The following GAB1 variants were observed in gnomAD, a reference collection of about 807,000 sequenced individuals.
GAB1 encodes the protein GRB2 associated binding protein 1.
In GAB1, 19 loss-of-function variants were observed where a neutral mutation model predicts 66.5. The ratio of observed to expected loss-of-function variants is 0.29; its 90% CI spans 0.20 to 0.42. The LOEUF (loss-of-function observed/expected upper bound fraction) is 0.42. Ranked by LOEUF, GAB1 falls within the 10% of genes least tolerant of loss-of-function variation. The pLI, the probability that GAB1 is intolerant of heterozygous loss-of-function variation, is 1.00. For missense variants in GAB1, 732 were observed against 858.5 expected, an observed-to-expected ratio of 0.85 and a Z score of 1.84; for synonymous variants, 294 against 301.4, an observed-to-expected ratio of 0.98 and a Z score of 0.25.
chr4:143,420,916 A>C (rs566228121), intron 2 of GAB1, among the ~76,000 whole-genome samples: 1 of 152,052 alleles, frequency 6.6e-6, no homozygotes, highest in African/African-American at 2.4e-5. Flanking sequence ...TTACTTTTTT[A>C]TTGAGGTATA....
rs1005692340 is a variant in GAB1, at chr4:143,471,175, G to A, written c.*1986G>A. 16 of 152,098 alleles carry A rather than the reference G, an allele frequency of 1.1e-4. No homozygotes were observed. The highest frequency in any genetic ancestry group is 3.6e-4 in the African/African-American group (15 of 41,440). 9.4% of individuals were successfully genotyped at this position (152,098 alleles called of 1,614,324 possible). ...TTCAAAAATAAAAATCTTTACAGCT[G>A]CCTATCAAGGGTCTAAAGCACTTAA... On this transcript the variant is annotated 3_prime_UTR_variant, in exon 10 of 10. Transcript: ENST00000262994.
At chr4:143,363,520 G>A (rs1414243688) in intron 1 of GAB1, among the ~76,000 whole-genome samples, 2 of 152,172 alleles carry the variant, frequency 1.3e-5, no homozygotes, top group East Asian at 3.9e-4. Flanking sequence ...GAGCCCAAGA[G>A]CATAGTTGAA....
At chr4:143,434,227 C>A in intron 3 of GAB1, 2 of 746,928 alleles carry the variant, frequency 2.7e-6, no homozygotes, top group Non-Finnish European at 3.9e-6. Flanking sequence ...GGTAAAATCC[C>A]AATATAGCAA....
At chr4:143,435,632 G>A (rs1219833333) in intron 3 of GAB1, among the ~76,000 whole-genome samples, 1 of 152,132 alleles carries the variant, frequency 6.6e-6, no homozygotes, top group Non-Finnish European at 1.5e-5. Flanking sequence ...TATTTATGAG[G>A]TAACCACTAT....
At chr4:143,462,952 GC>G (rs1373736123) in intron 8 of GAB1, among the ~76,000 whole-genome samples, 16 of 152,128 alleles carry the variant, frequency 1.1e-4, no homozygotes, top group African/African-American at 3.9e-4. Context: ...GTGAGCCACT[GC>G]ACCTGGCCTG....
intron 1 of GAB1, among the ~76,000 whole-genome samples, chr4:143,394,587 G>A (rs1382681317): frequency 6.6e-6 from 1 of 151,940 alleles, no homozygotes; most frequent in Non-Finnish European, 1.5e-5. Context: ...TTTATTTTTA[G>A]GTCAAGCAAT....
chr4:143,414,011 CGG>C (rs1213707328), intron 1 of GAB1, among the ~76,000 whole-genome samples: 4 of 151,450 alleles, frequency 2.6e-5, no homozygotes, highest in Non-Finnish European at 5.9e-5. Context: ...TTAGTAGAGA[CGG>C]GGTTTCACCA....
intron 1 of GAB1, among the ~76,000 whole-genome samples, chr4:143,358,384 ATGT>A (rs771487349): frequency 1.7e-4 from 26 of 152,146 alleles, no homozygotes; most frequent in Non-Finnish European, 3.1e-4. Flanking sequence ...ATACCTTTGA[ATGT>A]TGTTTCGGTA....
rs1268114304 is a variant in GAB1 at position 143,466,153 on chromosome 4, G to A, written c.1854G>A (p.Lys618=). Residue 618 remains lysine (K), a synonymous_variant, in exon 9 of 10, where the codon AAG becomes AAA. Coordinates refer to ENST00000262994, the MANE Select transcript of GAB1 (RefSeq NM_002039.4). The part of the protein sequence containing the change: ...SLDGGSSPMI[K]PKGDKQVEYL... Reference sequence around the variant, plus strand: ...ATGGAGGAAGCAGCCCTATGATCAAGCCCAAAGGAGACAAACAGGTGGAAT... The same window carrying A: ...ATGGAGGAAGCAGCCCTATGATCAAACCCAAAGGAGACAAACAGGTGGAAT... 6.2e-7 allele frequency: 1 copy of A among 1,613,822 alleles called. No individual in the cohort carries two copies. The highest frequency in any genetic ancestry group is 2.2e-5 in the East Asian group (1 of 44,846).
chr4:143,340,105 T>G (rs1271876748), intron 1 of GAB1, among the ~76,000 whole-genome samples: 6 of 152,168 alleles, frequency 3.9e-5, no homozygotes, highest in African/African-American at 1.4e-4. Context: ...TCCCAGATTA[T>G]TGATCTTTTG....
At position 143,337,083 on chromosome 4, in the gene GAB1, A is replaced by T. The variant is rs1426093568; in HGVS notation, c.-106A>T. 1 of 951,178 alleles carries T rather than the reference A, an allele frequency of 1.1e-6. No homozygotes were observed. Among genetic ancestry groups the T allele is most frequent in the Non-Finnish European group, 1.6e-6 (1 of 634,530 alleles). The allele number at this position is 951,178 out of a possible 1,614,324, so 58.9% of individuals were successfully genotyped here. On this transcript the variant is annotated 5_prime_UTR_variant, in exon 1 of 10. Coordinates refer to ENST00000262994, the MANE Select transcript of GAB1 (RefSeq NM_002039.4). Reference sequence around the variant, plus strand: ...CCCAGTCCGTCCGGGGTGCGCGACCAGGAGAGCTAGGTTCTCGCCACTGCG... The same window carrying T: ...CCCAGTCCGTCCGGGGTGCGCGACCTGGAGAGCTAGGTTCTCGCCACTGCG...
chr4:143,428,280 A>G (rs1478726251), intron 2 of GAB1, among the ~76,000 whole-genome samples: 1 of 152,142 alleles, frequency 6.6e-6, no homozygotes, highest in East Asian at 1.9e-4. Context: ...TGAGTTTGAG[A>G]CAAAAATGTG....
chr4:143,459,010 TTGAG>T (rs1735345620), intron 6 of GAB1, among the ~76,000 whole-genome samples: 1 of 152,056 alleles, frequency 6.6e-6, no homozygotes, highest in African/African-American at 2.4e-5. Flanking sequence ...AATTTTCTTA[TTGAG>T]TATGAAATTG....
intron 3 of GAB1, chr4:143,434,212 C>A: frequency 2.9e-6 from 3 of 1,021,820 alleles, no homozygotes; most frequent in South Asian, 1.4e-5. Flanking sequence ...AGAAATTAAT[C>A]ATAAGGTAAA....
At chr4:143,450,634 A>T (rs941717385) in intron 6 of GAB1, among the ~76,000 whole-genome samples, 4 of 152,184 alleles carry the variant, frequency 2.6e-5, no homozygotes, top group African/African-American at 9.7e-5. Flanking sequence ...CTCAGCCTGT[A>T]ATCCCAGCAT....
In GAB1 at chr4:143,466,966, T is replaced by C. The variant is rs1474623465; in HGVS notation, c.1926+741T>C. ...CAATGTTTATTTACATTTTCCTACA[T>C]GTTGACCAGCTTCTTTGTCATTCCT... On this transcript the variant is annotated intron_variant, in intron 9 of 9. Transcript: ENST00000262994. Among the ~76,000 whole-genome samples the C allele has an allele frequency of 3.9e-5, 6 of 152,362 alleles. No homozygotes were observed. The East Asian group carries it at 9.6e-4, about 24-fold the overall frequency.
intron 6 of GAB1, among the ~76,000 whole-genome samples, chr4:143,447,797 T>A (rs1734647845): frequency 6.6e-6 from 1 of 152,102 alleles, no homozygotes; most frequent in Non-Finnish European, 1.5e-5. Flanking sequence ...CCTGCCTAAT[T>A]GCCCTGGCCA....
intron 1 of GAB1, among the ~76,000 whole-genome samples, chr4:143,413,939 A>G (rs1158608241): frequency 6.8e-6 from 1 of 147,574 alleles, no homozygotes; most frequent in African/African-American, 2.5e-5. Context: ...CTCCTGCCTC[A>G]GCCTCCTAAG....
Position 143,451,911 on chromosome 4 carries a change from A to G in GAB1, c.1586-7474A>G, listed in dbSNP as rs542679244. Among the ~76,000 whole-genome samples the G allele has an allele frequency of 1.1e-4, 16 of 149,900 alleles. No individual in the cohort carries two copies. In the Middle Eastern group the frequency reaches 0.014, roughly 128 times the overall value. On this transcript the variant is annotated intron_variant, in intron 6 of 9. Transcript: ENST00000262994. ...TGAAGTGCTCATTTAAAAAAAAAAA[A>G]TCAGACAAACAATTTTTTATTTTCT...
Sources: gnomAD v4.1 joint callset for allele counts (sites outside exome capture counted in the v4.1 genomes callset) on GRCh38, gnomAD v4.1.1 for gene constraint, MANE v1.5 for transcripts, NCBI Gene and HGNC (gene_info 2026-07-23, HGNC 2026-07-21) for gene names.